The following SLC28A3 variants were observed in gnomAD, a reference collection of about 807,000 sequenced individuals.
SLC28A3 encodes concentrative Na(+)-nucleoside cotransporter 3.
SLC28A3 carries 68 observed loss-of-function variants against 84.2 expected under a neutral mutation model. The ratio of observed to expected loss-of-function variants is 0.81; its 90% CI spans 0.66 to 0.99. The LOEUF (loss-of-function observed/expected upper bound fraction) is 0.99. Among genes scored for constraint, SLC28A3 ranks in the 50% least tolerant of loss-of-function variants. The pLI, the probability that SLC28A3 is intolerant of heterozygous loss-of-function variation, is 0.00. For missense variants in SLC28A3, 712 were observed against 841.5 expected, an observed-to-expected ratio of 0.85 and a Z score of 1.90; for synonymous variants, 267 against 303.6, an observed-to-expected ratio of 0.88 and a Z score of 1.25.
intron 2 of SLC28A3, among the ~76,000 whole-genome samples, chr9:84,311,008 T>C (rs1426943379): frequency 1.3e-5 from 2 of 152,170 alleles, no homozygotes; most frequent in East Asian, 3.9e-4. Flanking sequence ...CAACTACAAA[T>C]CTCCCTTGAC....
At chr9:84,284,680 C>G (rs7870896) in intron 14 of SLC28A3, among the ~76,000 whole-genome samples, 16,544 of 152,160 alleles carry the variant, frequency 0.11, 1,265 homozygotes, top group African/African-American at 0.21. Flanking sequence ...CATGACCTCA[C>G]CTGAGTTCCT....
chr9:84,335,493 A>G (rs1314243193), intron 1 of SLC28A3, among the ~76,000 whole-genome samples: 4 of 152,210 alleles, frequency 2.6e-5, no homozygotes, highest in Admixed American at 2.0e-4. Flanking sequence ...GGCTGCAATA[A>G]GCTATGATTG....
intron 3 of SLC28A3, among the ~76,000 whole-genome samples, chr9:84,309,116 T>C (rs1258811278): frequency 1.3e-5 from 2 of 152,200 alleles, no homozygotes; most frequent in Non-Finnish European, 2.9e-5. Flanking sequence ...GCAGTTTGAA[T>C]TGGCCACATT....
At chr9:84,310,582 G>A (rs1825956754) in intron 2 of SLC28A3, 1 of 985,278 alleles carries the variant, frequency 1.0e-6, no homozygotes. Flanking sequence ...TGTGGCCTTT[G>A]ATTCTCTTTA....
chr9:84,302,163 C>G, intron 5 of SLC28A3, 37 bp downstream of exon 5: 1 of 1,589,932 alleles, frequency 6.3e-7, no homozygotes, highest in Non-Finnish European at 8.6e-7. Context: ...GGACTACTAT[C>G]TCTCTTAACT....
intron 1 of SLC28A3, among the ~76,000 whole-genome samples, chr9:84,337,357 G>T (rs993180199): frequency 6.6e-6 from 1 of 152,080 alleles, no homozygotes; most frequent in African/African-American, 2.4e-5. Context: ...GTTTTTAGGT[G>T]TGGGTGTTGT....
chr9:84,286,159 G>T, intron 12 of SLC28A3, 48 bp from the exon 13 acceptor site: 6 of 1,572,240 alleles, frequency 3.8e-6, no homozygotes, highest in Non-Finnish European at 5.2e-6. Flanking sequence ...GTTGTCAGGG[G>T]ATGGACACCA....
chr9:84,354,988 A>T, the SLC28A3 span, among the ~76,000 whole-genome samples: 1 of 152,224 alleles, frequency 6.6e-6, no homozygotes, highest in Non-Finnish European at 1.5e-5. Context: ...TGTTAAGAAG[A>T]AGCTATACCT....
chr9:84,352,199 T>G, the SLC28A3 span, among the ~76,000 whole-genome samples: 2 of 152,160 alleles, frequency 1.3e-5, no homozygotes, highest in Non-Finnish European at 2.9e-5. Context: ...TTGCTTTTTT[T>G]TTAAGACAGA....
the SLC28A3 span, among the ~76,000 whole-genome samples, chr9:84,351,131 T>G: frequency 3.9e-4 from 60 of 152,356 alleles, no homozygotes; most frequent in African/African-American, 1.4e-3. Context: ...TATAGTCTTA[T>G]TCTATCAGCA....
At position 84,302,511 on chromosome 9, in the gene SLC28A3, G is replaced by A. The variant is rs1588586784; in HGVS notation, c.335-122C>T. ...ATATCATTAAATATCACTGAATGCAGGAGTGCTCTTGATATGGCTACTGGC... is the reference window on the plus strand; with the variant it reads ...ATATCATTAAATATCACTGAATGCAAGAGTGCTCTTGATATGGCTACTGGC... On this transcript the variant is annotated intron_variant, in intron 4 of 17. Coordinates refer to ENST00000376238, the MANE Select transcript of SLC28A3 (RefSeq NM_001199633.2). 4 of 916,440 alleles carry A rather than the reference G, an allele frequency of 4.4e-6. No individual in the cohort carries two copies. In the East Asian group the frequency reaches 1.1e-4, roughly 24 times the overall value. The allele number at this position is 916,440 out of a possible 1,614,324, so 56.8% of individuals were successfully genotyped here.
At chr9:84,321,375 C>T (rs1266255575) in intron 1 of SLC28A3, among the ~76,000 whole-genome samples, 1 of 151,932 alleles carries the variant, frequency 6.6e-6, no homozygotes, top group South Asian at 2.1e-4. Context: ...ACAATGGGCA[C>T]ACTAGACCAA....
intron 4 of SLC28A3, among the ~76,000 whole-genome samples, chr9:84,304,195 A>G (rs753491577): frequency 1.3e-4 from 20 of 152,260 alleles, no homozygotes; most frequent in Non-Finnish European, 2.6e-4. Flanking sequence ...ACAGTGGCAG[A>G]ATGGCATGGT....
chr9:84,280,050 G>GCTTT lies in SLC28A3; in HGVS notation c.1749_1752dup (p.Arg585LysfsTer3). On this transcript the variant is annotated frameshift_variant, in exon 16 of 18. Transcript: ENST00000376238. LOFTEE classifies it high-confidence loss of function. Reference sequence around the variant, plus strand: ...CTCACTGCCCCCGAGGCGATATCACGCTTTCTGGAAGGAGCCATGGATGCT... The same window carrying GCTTT: ...CTCACTGCCCCCGAGGCGATATCACGCTTTCTTTCTGGAAGGAGCCATGGATGCT... 6.2e-7 allele frequency: 1 copy of GCTTT among 1,613,888 alleles called. No homozygotes were observed. Among genetic ancestry groups the GCTTT allele is most frequent in the Non-Finnish European group, 8.5e-7 (1 of 1,179,992 alleles).
chr9:84,326,678 CA>C, intron 1 of SLC28A3, among the ~76,000 whole-genome samples: 1 of 139,068 alleles, frequency 7.2e-6, no homozygotes, highest in Admixed American at 7.6e-5. Flanking sequence ...ACAACAACAA[CA>C]ACAACCAGGT....
chr9:84,299,118 A>G (rs1349010530), intron 6 of SLC28A3, among the ~76,000 whole-genome samples: 4 of 152,228 alleles, frequency 2.6e-5, no homozygotes, highest in Admixed American at 6.5e-5. Flanking sequence ...ACGGGTTACC[A>G]GTGGACAGAA....
At chr9:84,291,013 GC>G (rs1403402542) in intron 10 of SLC28A3, among the ~76,000 whole-genome samples, 1 of 152,148 alleles carries the variant, frequency 6.6e-6, no homozygotes, top group African/African-American at 2.4e-5. Context: ...GCGGCATGGG[GC>G]TCTCCATAGA....
intron 5 of SLC28A3, among the ~76,000 whole-genome samples, chr9:84,301,318 C>G (rs1474112040): frequency 7.4e-6 from 1 of 134,940 alleles, no homozygotes; most frequent in African/African-American, 2.8e-5. Flanking sequence ...CCACTGCACT[C>G]CAGTCTGGGT....
chr9:84,279,698 GC>G (rs1459108159), intron 16 of SLC28A3, among the ~76,000 whole-genome samples: 2 of 152,200 alleles, frequency 1.3e-5, no homozygotes, highest in African/African-American at 4.8e-5. Context: ...CAGGTGACCC[GC>G]CCGCCTTGGC....
Sources: allele counts gnomAD v4.1 joint callset (sites outside exome capture counted in the v4.1 genomes callset), GRCh38; gene constraint gnomAD v4.1.1; transcripts MANE v1.5; gene names NCBI Gene and HGNC (gene_info 2026-07-23, HGNC 2026-07-21).